The following DEAF1 variants were observed in gnomAD, a reference collection of about 807,000 sequenced individuals.
The protein encoded by DEAF1 is deformed epidermal autoregulatory factor 1 homolog.
A neutral mutation model predicts 58.9 loss-of-function variants in DEAF1; 53 were observed. The ratio of observed to expected loss-of-function variants is 0.90; its 90% CI spans 0.72 to 1.13. The LOEUF is 1.13. Ranked by LOEUF, DEAF1 falls within the 50% of genes most tolerant of loss-of-function variation. The pLI, the probability that DEAF1 is intolerant of heterozygous loss-of-function variation, is 0.00. For synonymous variants in DEAF1, 385 were observed against 340.4 expected (o/e 1.13, Z -1.44); for missense variants, 685 against 791.4 (o/e 0.87, Z 1.61).
intron 1 of DEAF1, chr11:704,021 A>G (rs1861616201): frequency 8.4e-7 from 1 of 1,194,060 alleles, no homozygotes; most frequent in Non-Finnish European, 1.0e-6. Context: ...CTTTCCCTTC[A>G]CTTGATTCTA....
chr11:676,032 AC>A (rs1860049495), intron 9 of DEAF1, among the ~76,000 whole-genome samples: 2 of 29,090 alleles, frequency 6.9e-5, no homozygotes, highest in African/African-American at 1.5e-4. Flanking sequence ...AGCACCCGAC[AC>A]CCCCCAGCAC....
At chr11:663,129 A>C (rs6421974) in intron 10 of DEAF1, among the ~76,000 whole-genome samples, 48,389 of 152,108 alleles carry the variant, frequency 0.32, 9,807 homozygotes, top group African/African-American at 0.57. Flanking sequence ...CTCGGCAACA[A>C]AACAAGATGC....
intron 1 of DEAF1, chr11:703,636 C>G: frequency 8.1e-7 from 1 of 1,232,776 alleles, no homozygotes; most frequent in Non-Finnish European, 1.0e-6. Context: ...GGGCTGGAGA[C>G]GCAGGATGGG....
rs904830213 is a variant in DEAF1 at position 695,003 on chromosome 11, C to G, written c.45G>C (p.Glu15Asp). 8 of 1,286,330 alleles carry G rather than the reference C, an allele frequency of 6.2e-6. No homozygotes were observed. The Admixed American group carries it at 2.9e-4, about 47-fold the overall frequency. The allele number at this position is 1,286,330 out of a possible 1,614,324, so 79.7% of individuals were successfully genotyped here. Reference protein sequence around the residue: ...DSAAKQLGLAEAAAVAAAAAV... With the variant: ...DSAAKQLGLADAAAVAAAAAV... Reference sequence around the variant, plus strand: ...CGGCCGCGGCCGCCACCGCCGCCGCCTCAGCCAGGCCCAGCTGCTTTGCCG... The same window carrying G: ...CGGCCGCGGCCGCCACCGCCGCCGCGTCAGCCAGGCCCAGCTGCTTTGCCG... Residue 15 changes from glutamate to aspartate, a missense_variant, in exon 1 of 12, where the codon GAG becomes GAC. By Grantham distance (45) the Glu-to-Asp change is conservative. This residue lies in a region of DEAF1 where 210 missense variants were observed against 177.3 expected (regional missense o/e 1.18). Transcript: ENST00000382409.
chr11:656,301 G>GC (rs1859053302), intron 10 of DEAF1, among the ~76,000 whole-genome samples: 1 of 151,910 alleles, frequency 6.6e-6, no homozygotes, highest in Middle Eastern at 3.2e-3. Context: ...GATTATAGGC[G>GC]CTTGCCACCA....
chr11:646,599 T>C (rs1304425860), intron 11 of DEAF1: 1 of 152,194 alleles, frequency 6.6e-6, no homozygotes, highest in Admixed American at 6.5e-5. Flanking sequence ...GTGTTGACTC[T>C]GAGCTACAGA....
chr11:673,772 C>T (rs780852226), intron 10 of DEAF1, among the ~76,000 whole-genome samples: 23 of 152,146 alleles, frequency 1.5e-4, no homozygotes, highest in Non-Finnish European at 3.1e-4. Context: ...CTGTGACACA[C>T]GGTACCTGTC....
At chr11:656,990 G>A (rs527466172) in intron 10 of DEAF1, among the ~76,000 whole-genome samples, 2 of 152,062 alleles carry the variant, frequency 1.3e-5, no homozygotes, top group East Asian at 1.9e-4. Context: ...AAGTGGCTGC[G>A]GAGATGTTCA....
chr11:680,792 C>T (rs766299049), intron 7 of DEAF1, among the ~76,000 whole-genome samples, 171 bp downstream of exon 7: 5 of 152,218 alleles, frequency 3.3e-5, no homozygotes, highest in Admixed American at 6.5e-5. Flanking sequence ...TGGGACACCC[C>T]TTCCCACCCG....
At chr11:687,309 C>T (rs1280316799) in intron 4 of DEAF1, among the ~76,000 whole-genome samples, 2 of 152,238 alleles carry the variant, frequency 1.3e-5, no homozygotes, top group Non-Finnish European at 2.9e-5. Context: ...AACCTGGCAA[C>T]TTGAGGAACA....
intron 1 of DEAF1, chr11:700,709 T>G (rs1282798250): frequency 1.2e-6 from 2 of 1,613,030 alleles, no homozygotes; most frequent in South Asian, 1.1e-5. Context: ...TATACCTGGG[T>G]GAGTGGACTG....
At chr11:662,193 C>T (rs185583619) in intron 10 of DEAF1, among the ~76,000 whole-genome samples, 58 of 152,216 alleles carry the variant, frequency 3.8e-4, no homozygotes, top group Non-Finnish European at 6.5e-4. Flanking sequence ...GCAAGAGAAT[C>T]GCTTGATCCC....
chr11:705,926 C>T (rs1314265882), intron 1 of DEAF1, among the ~76,000 whole-genome samples: 1 of 152,216 alleles, frequency 6.6e-6, no homozygotes, highest in Admixed American at 6.5e-5. Flanking sequence ...GCCCTGCGCC[C>T]CGCCTGTCCC....
Position 686,912 on chromosome 11 carries a change from C to T in DEAF1, c.750G>A (p.Lys250=). Residue 250 remains lysine, a synonymous_variant, in exon 5 of 12, where the codon AAG becomes AAA. Coordinates refer to ENST00000382409, the MANE Select transcript of DEAF1 (RefSeq NM_021008.4). The stretch of plus-strand genomic sequence containing the variant: ...CGTAGCGAATGCTTCTTTTCCAGTC[C>T]TTACTGCTGGCTCTTCCTGCCATGG... ...FEAMAGRASS[K]DWKRSIRYAG... The T allele has an allele frequency of 1.2e-6, 2 of 1,614,262 alleles. No individual in the cohort carries two copies. Among genetic ancestry groups the T allele is most frequent in the Admixed American group, 3.3e-5 (2 of 60,030 alleles).
chr11:685,078 A>AT, intron 5 of DEAF1, 115 bp from the exon 6 acceptor site: 1 of 696,202 alleles, frequency 1.4e-6, no homozygotes, highest in Non-Finnish European at 2.2e-6. Context: ...TAAATATAAA[A>AT]ATTCTTTTTT....
chr11:659,497 GCTTT>G (rs1350462806), intron 10 of DEAF1, among the ~76,000 whole-genome samples: 1 of 152,228 alleles, frequency 6.6e-6, no homozygotes, highest in Non-Finnish European at 1.5e-5. Flanking sequence ...TACAAGGAGT[GCTTT>G]CTTTATGACT....
chr11:668,221 T>C (rs762959805), intron 10 of DEAF1, among the ~76,000 whole-genome samples: 1 of 152,204 alleles, frequency 6.6e-6, no homozygotes, highest in Non-Finnish European at 1.5e-5. Flanking sequence ...AGAGAATTCA[T>C]GGCCAACAGA....
At chr11:660,443 C>A (rs1421312442) in intron 10 of DEAF1, among the ~76,000 whole-genome samples, 2 of 152,352 alleles carry the variant, frequency 1.3e-5, no homozygotes, top group Middle Eastern at 3.4e-3. Flanking sequence ...CTGTGCTTTT[C>A]CCAGGCTGCC....
At chr11:691,653 G>A (rs1441897383) in intron 1 of DEAF1, 55 bp from the exon 2 acceptor site, 5 of 1,514,178 alleles carry the variant, frequency 3.3e-6, no homozygotes, top group South Asian at 2.3e-5. Context: ...TGGACAAAGC[G>A]AACAGCCTCG....
Sources: allele counts gnomAD v4.1 joint callset (sites outside exome capture counted in the v4.1 genomes callset), GRCh38; gene constraint gnomAD v4.1.1; regional missense constraint gnomAD v4.1.1; transcripts MANE v1.5; gene names NCBI Gene and HGNC (gene_info 2026-07-23, HGNC 2026-07-21).